PDK3: variants seen among roughly 807,000 people sequenced by gnomAD.
PDK3 encodes pyruvate dehydrogenase kinase, isozyme 3.
In PDK3, 12 loss-of-function variants were observed where a neutral mutation model predicts 32.0. That is an observed-to-expected ratio of 0.37 (90% confidence interval 0.24 to 0.61). The LOEUF is 0.61. Ranked by LOEUF, PDK3 falls within the 20% of genes least tolerant of loss-of-function variation. PDK3 has a pLI of 0.65. For missense variants in PDK3, 188 were observed against 316.9 expected (o/e 0.59, Z 3.09); for synonymous variants, 122 against 116.3 (o/e 1.05, Z -0.31).
At chrX:24,486,681 G>T (rs1415839946) in intron 1 of PDK3, among the ~76,000 whole-genome samples, 1 of 111,234 alleles carries the variant, frequency 9.0e-6, no homozygotes, top group Non-Finnish European at 1.9e-5. Flanking sequence ...ACCTGGGCTG[G>T]AGTGCAGTGG....
At chrX:24,531,865 A>G in intron 10 of PDK3, 95 bp downstream of exon 10, 1 of 438,968 alleles carries the variant, frequency 2.3e-6, no homozygotes, top group Non-Finnish European at 4.0e-6. Context: ...CATCTCTTAG[A>G]TTCATCTCAG....
chrX:24,499,062 G>A, intron 3 of PDK3, 162 bp downstream of exon 3: 4 of 340,739 alleles, frequency 1.2e-5, no homozygotes, highest in Non-Finnish European at 2.0e-5. Flanking sequence ...TTTTTAATTC[G>A]AGCTAAGAAT....
intron 5 of PDK3, among the ~76,000 whole-genome samples, chrX:24,515,430 C>T (rs369903094): frequency 1.8e-5 from 2 of 112,388 alleles, no homozygotes; most frequent in Non-Finnish European, 3.7e-5. Flanking sequence ...ACTGGGCAAG[C>T]GAATTCCATG....
chrX:24,538,507 A>G (rs1159789602), downstream of PDK3, among the ~76,000 whole-genome samples: 1 of 112,430 alleles, frequency 8.9e-6, no homozygotes, highest in Non-Finnish European at 1.9e-5. Context: ...GGCCGGGCAC[A>G]GTAGCTCACG....
chrX:24,548,533 T>C (rs980915364), exon 12 of PDK3: 3 of 112,322 alleles, frequency 2.7e-5, no homozygotes, highest in Non-Finnish European at 3.8e-5. Flanking sequence ...CAATCACGTA[T>C]GTACTGAGTA....
intron 10 of PDK3, 141 bp from the exon 11 acceptor site, chrX:24,533,788 C>T (rs1922711057): frequency 1.6e-6 from 1 of 623,986 alleles, no homozygotes; most frequent in African/African-American, 2.3e-5. Context: ...TCTAAGTAAA[C>T]TACTAAGGTG....
chrX:24,492,723 T>C (rs769699444), intron 1 of PDK3, among the ~76,000 whole-genome samples: 1 of 109,613 alleles, frequency 9.1e-6, no homozygotes, highest in African/African-American at 3.3e-5. Flanking sequence ...CAGAGCTGGC[T>C]GGGCGCGGTG....
exon 12 of PDK3, among the ~76,000 whole-genome samples, chrX:24,542,187 G>A (rs1482578981): frequency 8.9e-6 from 1 of 112,014 alleles, no homozygotes; most frequent in Admixed American, 9.5e-5. Flanking sequence ...GAAATGCAAG[G>A]AAGTGGAGGG....
At chrX:24,543,680 C>G (rs1015327855) in exon 12 of PDK3, among the ~76,000 whole-genome samples, 2 of 111,228 alleles carry the variant, frequency 1.8e-5, no homozygotes, top group Admixed American at 9.6e-5. Flanking sequence ...AACTCCCGAC[C>G]TCAAGTGATC....
chrX:24,539,530 T>C (rs1922845930), exon 12 of PDK3: 2 of 149,369 alleles, frequency 1.3e-5, no homozygotes, highest in East Asian at 3.3e-4. Context: ...ATACAGCAGA[T>C]CGTACTGTTG....
At chrX:24,516,264 C>A (rs1343242473) in intron 5 of PDK3, among the ~76,000 whole-genome samples, 1 of 111,507 alleles carries the variant, frequency 9.0e-6, no homozygotes, top group Non-Finnish European at 1.9e-5. Context: ...GAAATAAGAG[C>A]CTGTCTTCAA....
downstream of PDK3, among the ~76,000 whole-genome samples, chrX:24,537,419 C>T (rs1922805170): frequency 9.2e-6 from 1 of 108,726 alleles, no homozygotes; most frequent in South Asian, 4.0e-4. Context: ...AGGCATAAGC[C>T]ACTGCACCCA....
At chrX:24,531,617 T>C (rs1379103930) in intron 9 of PDK3, 40 bp from the exon 10 acceptor site, 3 of 720,084 alleles carry the variant, frequency 4.2e-6, no homozygotes, top group Non-Finnish European at 6.6e-6. Flanking sequence ...GTGTTAGCAT[T>C]TGTGCCTGTC....
chrX:24,494,169 T>C (rs1271500584), intron 1 of PDK3, among the ~76,000 whole-genome samples: 1 of 112,012 alleles, frequency 8.9e-6, no homozygotes, highest in African/African-American at 3.2e-5. Context: ...CTGGCATGTT[T>C]CTCTGGCACA....
At chrX:24,547,425 ATATAT>A (rs887035135) in exon 12 of PDK3, 2 of 111,896 alleles carry the variant, frequency 1.8e-5, no homozygotes, top group Non-Finnish European at 3.8e-5. Context: ...GGAGAGGGTA[ATATAT>A]TATGTAGAAA....
rs1315807900 is a variant in PDK3, at chrX:24,526,208, A to G, written c.684A>G (p.Pro228=). 1 of 1,205,333 alleles carries G rather than the reference A, an allele frequency of 8.3e-7. No individual in the cohort carries two copies. Among genetic ancestry groups the G allele is most frequent in the South Asian group, 1.8e-5 (1 of 56,695 alleles). ...LEVEEFNAKA[P]DKPIQVVYVP... ...TGTCTCTGTTTTCAGCCAAAGCGCC[A>G]GACAAACCTATTCAGGTGGTTTATG... is the stretch of plus-strand genomic sequence containing the variant. The change falls in exon 7 of 11, where the codon CCA becomes CCG. Residue 228 remains proline (P), a synonymous_variant. Transcript: ENST00000379162.
intron 1 of PDK3, among the ~76,000 whole-genome samples, chrX:24,472,749 G>T (rs1160974473): frequency 1.1e-4 from 10 of 94,445 alleles, no homozygotes; most frequent in South Asian, 5.2e-4. Flanking sequence ...GTGCAATGGT[G>T]CGATCTGGGC....
chrX:24,470,441 C>G (rs1368736258), intron 1 of PDK3, among the ~76,000 whole-genome samples: 2 of 111,006 alleles, frequency 1.8e-5, no homozygotes, highest in African/African-American at 6.5e-5. Context: ...AATCCCAGCA[C>G]TTTGGGAGGC....
intron 1 of PDK3, among the ~76,000 whole-genome samples, chrX:24,486,474 C>T (rs938363824): frequency 2.3e-4 from 26 of 111,476 alleles, no homozygotes; most frequent in Non-Finnish European, 4.7e-4. Flanking sequence ...TGTCTAAATT[C>T]CTGACTCACA....
Sources: gnomAD v4.1 joint callset for allele counts (sites outside exome capture counted in the v4.1 genomes callset) on GRCh38, gnomAD v4.1.1 for gene constraint, MANE v1.5 for transcripts, NCBI Gene and HGNC (gene_info 2026-07-23, HGNC 2026-07-21) for gene names.